Variants in ELAVL2 observed in about 807,000 individuals in gnomAD.
ELAVL2 encodes the protein ELAV like RNA binding protein 2.
In ELAVL2, 4 loss-of-function variants were observed where a neutral mutation model predicts 34.6. The observed-to-expected ratio is 0.12, with a 90% CI of 0.06 to 0.26. The LOEUF (loss-of-function observed/expected upper bound fraction) is 0.26, where lower values mean the gene tolerates loss of function less well. Among genes scored for constraint, ELAVL2 ranks in the 10% least tolerant of loss-of-function variants. The pLI is 1.00. For synonymous variants in ELAVL2, 193 were observed against 154.8 expected (o/e 1.25, Z -1.83); for missense variants, 432 against 442.8 (o/e 0.98, Z 0.22).
At chr9:23,758,674 A>C (rs2135887735) in intron 2 of ELAVL2, among the ~76,000 whole-genome samples, 1 of 152,258 alleles carries the variant, frequency 6.6e-6, no homozygotes, top group Non-Finnish European at 1.5e-5. Flanking sequence ...CACCATGTTC[A>C]GTGTAATCTA....
chr9:23,783,338 TCA>T (rs1185945425), intron 1 of ELAVL2: 3 of 443,224 alleles, frequency 6.8e-6, no homozygotes, highest in Non-Finnish European at 9.0e-6. Flanking sequence ...CTCACTCAGC[TCA>T]CAGTCTGAAG....
At chr9:23,779,858 T>C (rs1388361486) in intron 1 of ELAVL2, among the ~76,000 whole-genome samples, 1 of 151,662 alleles carries the variant, frequency 6.6e-6, no homozygotes, top group Non-Finnish European at 1.5e-5. Context: ...TCCAAAACTG[T>C]GGGTTTTATA....
chr9:23,768,630 C>T (rs2056756456), intron 1 of ELAVL2, among the ~76,000 whole-genome samples: 1 of 152,040 alleles, frequency 6.6e-6, no homozygotes, highest in Admixed American at 6.6e-5. Context: ...ATCTAAATTC[C>T]TATTATATGG....
At chr9:23,799,126 A>G (rs752579992) in intron 1 of ELAVL2, among the ~76,000 whole-genome samples, 5 of 152,328 alleles carry the variant, frequency 3.3e-5, no homozygotes, top group Non-Finnish European at 7.4e-5. Flanking sequence ...TAGAAAGCCT[A>G]AGAAAATCTA....
At chr9:23,777,988 G>T (rs1387476562) in intron 1 of ELAVL2, among the ~76,000 whole-genome samples, 1 of 151,906 alleles carries the variant, frequency 6.6e-6, no homozygotes, top group East Asian at 1.9e-4. Flanking sequence ...GGCCTACTCT[G>T]AACATTCTTC....
the ELAVL2 span, chr9:23,832,243 C>G: frequency 6.6e-6 from 1 of 152,060 alleles, no homozygotes; most frequent in Non-Finnish European, 1.5e-5. Flanking sequence ...AAGTTGTCAT[C>G]CACAGGAAAG....
At chr9:23,707,487 C>T (rs1022158646) in intron 3 of ELAVL2, among the ~76,000 whole-genome samples, 1 of 152,062 alleles carries the variant, frequency 6.6e-6, no homozygotes, top group Non-Finnish European at 1.5e-5. Flanking sequence ...CCCATGGGCT[C>T]CAGGGCAGGC....
Position 23,694,420 on chromosome 9 carries a change from T to C in ELAVL2, c.714-934A>G, listed in dbSNP as rs779092098. Among the ~76,000 whole-genome samples, 4 of 152,330 alleles carry C rather than the reference T, an allele frequency of 2.6e-5. 1 individual carries two copies. The highest frequency in any genetic ancestry group is 2.1e-4 in the South Asian group (1 of 4,828). On this transcript the variant is annotated intron_variant, in intron 5 of 6. Coordinates refer to ENST00000397312, the MANE Select transcript of ELAVL2 (RefSeq NM_004432.5). The stretch of plus-strand genomic sequence containing the variant: ...ACTCTAATGTCCCAAATTTCCACAG[T>C]GCTTACCAACTAATTATGTGTTCTG...
At chr9:23,810,091 G>A (rs2062779575) in intron 1 of ELAVL2, among the ~76,000 whole-genome samples, 1 of 151,960 alleles carries the variant, frequency 6.6e-6, no homozygotes, top group Non-Finnish European at 1.5e-5. Flanking sequence ...CTACTACAAT[G>A]AGCCAGGGTT....
chr9:23,773,256 G>A (rs901847351), intron 1 of ELAVL2, among the ~76,000 whole-genome samples: 2 of 152,148 alleles, frequency 1.3e-5, no homozygotes, highest in Non-Finnish European at 2.9e-5. Flanking sequence ...CTATAGAACA[G>A]GTAAGGCCCT....
chr9:23,728,966 G>C (rs1232244231), intron 3 of ELAVL2, among the ~76,000 whole-genome samples: 1 of 152,094 alleles, frequency 6.6e-6, no homozygotes, highest in Non-Finnish European at 1.5e-5. Context: ...AGAAACTGAT[G>C]TCACACTATA....
intron 3 of ELAVL2, among the ~76,000 whole-genome samples, chr9:23,719,172 G>C (rs953370907): frequency 1.9e-4 from 29 of 152,242 alleles, no homozygotes; most frequent in African/African-American, 7.0e-4. Flanking sequence ...GAAGCACCTT[G>C]AGAATCCCGT....
At chr9:23,770,625 C>T (rs1402882443) in intron 1 of ELAVL2, among the ~76,000 whole-genome samples, 1 of 151,974 alleles carries the variant, frequency 6.6e-6, no homozygotes, top group Non-Finnish European at 1.5e-5. Context: ...GGGCCACCAG[C>T]CAAGGAATAT....
At chr9:23,778,696 GA>G (rs1262336200) in intron 1 of ELAVL2, among the ~76,000 whole-genome samples, 2 of 152,144 alleles carry the variant, frequency 1.3e-5, no homozygotes, top group Non-Finnish European at 2.9e-5. Flanking sequence ...CTGGGGGAGG[GA>G]GGGGGTTTTC....
At chr9:23,711,909 G>A (rs1587527769) in intron 3 of ELAVL2, among the ~76,000 whole-genome samples, 1 of 152,228 alleles carries the variant, frequency 6.6e-6, no homozygotes, top group South Asian at 2.1e-4. Context: ...GCTAACAGAA[G>A]CCACAATCTT....
At chr9:23,730,870 C>A in intron 3 of ELAVL2, 152 bp downstream of exon 3, 2 of 662,198 alleles carry the variant, frequency 3.0e-6, no homozygotes, top group South Asian at 2.2e-5. Flanking sequence ...CAAACAGTTT[C>A]TTCCATCTTG....
chr9:23,811,118 T>C (rs2062919768), intron 1 of ELAVL2, among the ~76,000 whole-genome samples: 1 of 152,110 alleles, frequency 6.6e-6, no homozygotes, highest in Non-Finnish European at 1.5e-5. Flanking sequence ...GGTCACAAAC[T>C]ATTATTCACT....
chr9:23,797,321 A>C (rs1440734856), intron 1 of ELAVL2, among the ~76,000 whole-genome samples: 1 of 152,238 alleles, frequency 6.6e-6, no homozygotes, highest in Admixed American at 6.5e-5. Context: ...AAATATCATT[A>C]AACTGATCTT....
At chr9:23,702,251 A>G (rs1353748218) in intron 4 of ELAVL2, among the ~76,000 whole-genome samples, 1 of 152,122 alleles carries the variant, frequency 6.6e-6, no homozygotes, top group African/African-American at 2.4e-5. Context: ...GAAAAATATT[A>G]TATGGAGAAA....
Sources: allele counts gnomAD v4.1 joint callset (sites outside exome capture counted in the v4.1 genomes callset), GRCh38; gene constraint gnomAD v4.1.1; transcripts MANE v1.5; gene names NCBI Gene and HGNC (gene_info 2026-07-23, HGNC 2026-07-21).